PLCXD3: variants seen among roughly 807,000 people sequenced by gnomAD.
The protein encoded by PLCXD3 is phosphatidylinositol specific phospholipase C X domain containing 3.
In PLCXD3, 19 loss-of-function variants were observed where a neutral mutation model predicts 25.5. That is an observed-to-expected ratio of 0.75 (90% CI 0.52 to 1.09). The LOEUF is 1.09. Among genes scored for constraint, PLCXD3 ranks in the 50% least tolerant of loss-of-function variants. The pLI is 0.00. For missense variants in PLCXD3, 411 were observed against 388.1 expected, an observed-to-expected ratio of 1.06 and a Z score of -0.50; for synonymous variants, 174 against 137.6, an observed-to-expected ratio of 1.26 and a Z score of -1.85.
chr5:41,418,173 T>C (rs905066002), intron 1 of PLCXD3, among the ~76,000 whole-genome samples: 1 of 152,198 alleles, frequency 6.6e-6, no homozygotes, highest in African/African-American at 2.4e-5. Flanking sequence ...GTGTGGCATA[T>C]ATTTTTAGAA....
At chr5:41,443,450 C>T (rs1279826430) in intron 1 of PLCXD3, among the ~76,000 whole-genome samples, 1 of 152,034 alleles carries the variant, frequency 6.6e-6, no homozygotes, top group Non-Finnish European at 1.5e-5. Context: ...ATCTCCTCAT[C>T]GTTAAGCAAC....
chr5:41,323,153 A>G (rs954199168), intron 2 of PLCXD3, among the ~76,000 whole-genome samples: 1 of 152,122 alleles, frequency 6.6e-6, no homozygotes, highest in African/African-American at 2.4e-5. Context: ...TCACTTATTT[A>G]TGAGATCTAA....
intron 2 of PLCXD3, among the ~76,000 whole-genome samples, chr5:41,348,366 TTTG>T (rs900616210): frequency 2.6e-5 from 4 of 152,094 alleles, no homozygotes; most frequent in African/African-American, 9.7e-5. Context: ...GAAAGTCATT[TTTG>T]TTGTTGTTGT....
intron 2 of PLCXD3, among the ~76,000 whole-genome samples, chr5:41,323,833 A>G (rs919200222): frequency 6.6e-6 from 1 of 152,202 alleles, no homozygotes; most frequent in African/African-American, 2.4e-5. Flanking sequence ...CTAGATTTCT[A>G]GAAGTATTCT....
At chr5:41,475,804 T>C (rs968202390) in intron 1 of PLCXD3, 28 of 505,682 alleles carry the variant, frequency 5.5e-5, no homozygotes, top group African/African-American at 5.4e-4. Context: ...GAGACCATCA[T>C]TATGAGACTG....
chr5:41,437,844 G>T (rs1297046988), intron 1 of PLCXD3, among the ~76,000 whole-genome samples: 1 of 152,144 alleles, frequency 6.6e-6, no homozygotes, highest in East Asian at 1.9e-4. Context: ...TGGATTATAA[G>T]GTGCAGAGGC....
At chr5:41,332,194 T>C (rs1743836941) in intron 2 of PLCXD3, among the ~76,000 whole-genome samples, 1 of 151,930 alleles carries the variant, frequency 6.6e-6, no homozygotes, top group African/African-American at 2.4e-5. Flanking sequence ...AACCTACTCA[T>C]CTGACAAAGG....
intron 1 of PLCXD3, among the ~76,000 whole-genome samples, chr5:41,473,691 C>T (rs1272143834): frequency 2.0e-5 from 3 of 152,046 alleles, no homozygotes; most frequent in African/African-American, 4.8e-5. Context: ...CTCCTGACCT[C>T]GTGATCTGCT....
chr5:41,350,508 A>G (rs2150480783), intron 2 of PLCXD3, among the ~76,000 whole-genome samples: 1 of 152,308 alleles, frequency 6.6e-6, no homozygotes, highest in South Asian at 2.1e-4. Flanking sequence ...TTCTTCTTAG[A>G]GTATAGATGC....
chr5:41,422,999 A>T (rs1389337702), intron 1 of PLCXD3, among the ~76,000 whole-genome samples: 1 of 152,118 alleles, frequency 6.6e-6, no homozygotes, highest in Non-Finnish European at 1.5e-5. Flanking sequence ...TCTAAAAAGT[A>T]TTAATTTTTT....
intron 1 of PLCXD3, among the ~76,000 whole-genome samples, chr5:41,494,554 C>T (rs564726024): frequency 3.9e-5 from 6 of 152,030 alleles, no homozygotes; most frequent in Non-Finnish European, 4.4e-5. Flanking sequence ...ATCCAAAATA[C>T]TTAGATGGGG....
intron 1 of PLCXD3, among the ~76,000 whole-genome samples, chr5:41,460,113 A>G (rs971439086): frequency 3.9e-5 from 6 of 151,912 alleles, no homozygotes. Context: ...TATATAGAAT[A>G]TAACATAATG....
rs144240531 is a variant in PLCXD3 at position 41,485,535 on chromosome 5, G to T, written c.103+24889C>A. On this transcript the variant is annotated intron_variant, in intron 1 of 2. Coordinates refer to ENST00000377801, the MANE Select transcript of PLCXD3 (RefSeq NM_001005473.3). ...TGGCTTCCAGAACCTTCAGAGTTAT[G>T]ACCTGGTAGTGTCCTCCTGCACAAT... Among the ~76,000 whole-genome samples the T allele has an allele frequency of 9.1e-3, 1,390 of 152,250 alleles. 11 individuals are homozygous for T. The highest frequency in any genetic ancestry group is 0.014 in the Admixed American group (210 of 15,278).
intron 2 of PLCXD3, among the ~76,000 whole-genome samples, chr5:41,366,147 G>A (rs950190197): frequency 6.6e-6 from 1 of 151,800 alleles, no homozygotes; most frequent in African/African-American, 2.4e-5. Flanking sequence ...CTGTGTCCAA[G>A]TATTCTCATT....
chr5:41,340,400 G>T (rs1261541605), intron 2 of PLCXD3, among the ~76,000 whole-genome samples: 9 of 152,050 alleles, frequency 5.9e-5, no homozygotes, highest in Non-Finnish European at 1.3e-4. Context: ...AAAATAAATG[G>T]AATGCCATGC....
intron 2 of PLCXD3, among the ~76,000 whole-genome samples, chr5:41,359,215 G>T (rs777894587): frequency 9.2e-5 from 14 of 152,096 alleles, no homozygotes; most frequent in Non-Finnish European, 1.9e-4. Context: ...TGGTATTAGG[G>T]TGTTACTGGT....
chr5:41,493,493 A>G (rs1252907399), intron 1 of PLCXD3, among the ~76,000 whole-genome samples: 2 of 152,202 alleles, frequency 1.3e-5, no homozygotes, highest in African/African-American at 4.8e-5. Context: ...AAGTCTGCAG[A>G]GGTTACTGCT....
At chr5:41,478,306 A>G (rs776502280) in intron 1 of PLCXD3, among the ~76,000 whole-genome samples, 3 of 152,220 alleles carry the variant, frequency 2.0e-5, no homozygotes, top group Non-Finnish European at 4.4e-5. Context: ...AACCATAAGT[A>G]ATAATAATTC....
At chr5:41,335,290 CA>C (rs1743947587) in intron 2 of PLCXD3, among the ~76,000 whole-genome samples, 1 of 152,226 alleles carries the variant, frequency 6.6e-6, no homozygotes, top group East Asian at 1.9e-4. Flanking sequence ...TTGCTTGGAG[CA>C]AATATCTCAA....
Sources: allele counts gnomAD v4.1 joint callset (sites outside exome capture counted in the v4.1 genomes callset), GRCh38; gene constraint gnomAD v4.1.1; transcripts MANE v1.5; gene names NCBI Gene and HGNC (gene_info 2026-07-23, HGNC 2026-07-21).